ARHGEF1: variants seen among roughly 807,000 people sequenced by gnomAD.
The protein encoded by ARHGEF1 is 115 kDa guanine nucleotide exchange factor.
In ARHGEF1, 40 loss-of-function variants were observed where a neutral mutation model predicts 119.7. The ratio of observed to expected loss-of-function variants is 0.33; its 90% CI spans 0.26 to 0.44. The LOEUF is 0.44. Ranked by LOEUF, ARHGEF1 falls within the 20% of genes least tolerant of loss-of-function variation. The pLI is 1.00. For missense variants in ARHGEF1, 976 were observed against 1,268.3 expected (o/e 0.77, Z 3.50); for synonymous variants, 494 against 521.0 (o/e 0.95, Z 0.71).
In ARHGEF1 at chr19:41,906,500, T is replaced by G. The variant is rs782333800; in HGVS notation, c.2535T>G (p.Asn845Lys). The G allele has an allele frequency of 7.6e-6, 12 of 1,580,474 alleles. No homozygotes were observed. Among genetic ancestry groups the G allele is most frequent in the African/African-American group, 1.4e-5 (1 of 72,328 alleles). The change falls in exon 27 of 29, where the codon AAT becomes AAG. Residue 845 changes from asparagine to lysine, a missense_variant. Around this residue, in one of 3 missense-constraint regions of ARHGEF1, gnomAD observed 171 missense variants for 180.6 expected, o/e 0.95. Transcript: ENST00000354532. This position sits in a 1 kb window ranked among gnomAD's most constrained non-coding sequence, Gnocchi z 4.5. ...KQLLFPAEEDNGAGPPRDGDG... is the reference protein window; with the variant it reads ...KQLLFPAEEDKGAGPPRDGDG... The stretch of plus-strand genomic sequence containing the variant: ...TTCTGTTTCCGGCGGAGGAAGACAA[T>G]GGGGCGGGGCCTCCTCGAGATGGGG...
At position 41,888,774 on chromosome 19, in the gene ARHGEF1, A is replaced by C. The variant is rs2074333186; in HGVS notation, c.134A>C (p.Gln45Pro). 2.5e-6 allele frequency: 4 copies of C among 1,614,070 alleles called. No individual in the cohort carries two copies. Among genetic ancestry groups the C allele is most frequent in the Non-Finnish European group, 3.4e-6 (4 of 1,180,012 alleles). The change falls in exon 4 of 29, where the codon CAG (glutamine) becomes CCG (proline). Residue 45 changes from glutamine (Q) to proline (P), a missense_variant. Gln to Pro is a moderately conservative substitution (Grantham distance 76). Transcript: ENST00000354532. This position sits in a 1 kb window ranked among gnomAD's most constrained non-coding sequence, Gnocchi z 5.1. ...CAGAACTCAGAAGAGCAAAACAGCC[A>C]GTTCCAGAGCCTGGAGCAGGTGAAG... Reference protein sequence around the residue: ...LETNSEEQNSQFQSLEQVKRR... With the variant: ...LETNSEEQNSPFQSLEQVKRR...
In ARHGEF1 at chr19:41,906,323, A is replaced by G; in HGVS notation, c.2492-134A>G. The G allele has an allele frequency of 1.1e-6, 1 of 909,786 alleles. No homozygotes were observed. Among genetic ancestry groups the G allele is most frequent in the Non-Finnish European group, 1.6e-6 (1 of 606,284 alleles). The allele number at this position is 909,786 out of a possible 1,614,324, so 56.4% of individuals were successfully genotyped here. A position where few individuals can be genotyped will look rare whatever the true frequency, so the allele number is the denominator to read the frequency against. ...TTCTTCACCTCCCTTTGGATCCCCG[A>G]ACCCCATCTGCTCAGCCTTGCCTGG... On this transcript the variant is annotated intron_variant, in intron 26 of 28. Transcript: ENST00000354532. The surrounding 1 kb of genome is among the most constrained non-coding windows in gnomAD (Gnocchi z 4.5).
rs1433875667 is a variant in ARHGEF1 at position 41,903,234 on chromosome 19, T to C, written c.1739-73T>C. 7.1e-7 allele frequency: 1 copy of C among 1,410,746 alleles called. No homozygotes were observed. Among genetic ancestry groups the C allele is most frequent in the African/African-American group, 1.4e-5 (1 of 70,602 alleles). 87.4% of individuals were successfully genotyped at this position (1,410,746 alleles called of 1,614,324 possible). ...ACCATGCCCGGCCAGCTGTCCTTTG[T>C]CTAACCTTGGCTGCCCAATCTGGAG... On this transcript the variant is annotated intron_variant, in intron 18 of 28. Coordinates refer to ENST00000354532, the MANE Select transcript of ARHGEF1 (RefSeq NM_004706.4). This position sits in a 1 kb window ranked among gnomAD's most constrained non-coding sequence, Gnocchi z 4.2.
At chr19:41,887,660 GCCTCT>G (rs1555845445) in intron 1 of ARHGEF1, among the ~76,000 whole-genome samples, 1 of 152,016 alleles carries the variant, frequency 6.6e-6, no homozygotes, top group African/African-American at 2.4e-5. Flanking sequence ...CTTCTCTCCC[GCCTCT>G]CCTCTAACCC....
chr19:41,894,608 C>T lies in ARHGEF1; in HGVS notation c.842-18C>T, dbSNP rs375847373. ...CCCCAGCTGCTCCCACTCACTGTCT[C>T]ATTCTCTCTCGTTTCAGTTCCAGAT... On this transcript the variant is annotated intron_variant, in intron 10 of 28. Transcript: ENST00000354532. 114 of 1,613,956 alleles carry T rather than the reference C, an allele frequency of 7.1e-5. 1 individual carries two copies. In the African/African-American group the frequency reaches 1.3e-3, roughly 19 times the overall value.
At chr19:41,919,863 C>G (rs782196135), upstream of ARHGEF1, among the ~76,000 whole-genome samples, 3 of 152,134 alleles carry the variant, frequency 2.0e-5, no homozygotes, top group South Asian at 2.1e-4. Context: ...GGCACAACTC[C>G]AGAGCTTTGG....
intron 1 of ARHGEF1, among the ~76,000 whole-genome samples, chr19:41,926,866 G>A (rs1275813347): frequency 6.6e-6 from 1 of 152,180 alleles, no homozygotes; most frequent in African/African-American, 2.4e-5. Flanking sequence ...CTTAATCTGA[G>A]CGGAAACCAG....
intron 1 of ARHGEF1, among the ~76,000 whole-genome samples, chr19:41,927,735 T>C (rs1451110996): frequency 6.6e-6 from 1 of 151,982 alleles, no homozygotes; most frequent in Non-Finnish European, 1.5e-5. Flanking sequence ...TTCCCAGATT[T>C]TCAGTCCAGT....
chr19:41,904,830 T>C lies in ARHGEF1; in HGVS notation c.2162-119T>C, dbSNP rs1195369420. On this transcript the variant is annotated intron_variant, in intron 22 of 28. Transcript: ENST00000354532. The surrounding 1 kb of genome is among the most constrained non-coding windows in gnomAD (Gnocchi z 8.4). ...TATTAGCAGACAGTGAGTGGTGAGT[T>C]GAGCCATGGGAGCCCTGAGAGCGCC... 1 of 802,428 alleles carries C rather than the reference T, an allele frequency of 1.2e-6. No individual in the cohort carries two copies. The highest frequency in any genetic ancestry group is 2.0e-5 in the Admixed American group (1 of 50,686). The allele number at this position is 802,428 out of a possible 1,614,324, so 49.7% of individuals were successfully genotyped here.
At chr19:41,894,996 G>T (rs1342567008) in intron 11 of ARHGEF1, among the ~76,000 whole-genome samples, 2 of 146,982 alleles carry the variant, frequency 1.4e-5, no homozygotes, top group Non-Finnish European at 3.0e-5. Context: ...AGGAGGGATT[G>T]GGCCTGGACC....
intron 1 of ARHGEF1, chr19:41,884,383 G>GAC: frequency 6.4e-7 from 1 of 1,567,566 alleles, no homozygotes; most frequent in Non-Finnish European, 8.6e-7. Context: ...CGCAAAGGTG[G>GAC]ACTCAGGGCG....
In ARHGEF1 at chr19:41,905,441, T is replaced by TATGC; in HGVS notation, c.2336+188_2336+191dup. 2 of 628,668 alleles carry TATGC rather than the reference T, an allele frequency of 3.2e-6. No homozygotes were observed. Among genetic ancestry groups the TATGC allele is most frequent in the South Asian group, 3.9e-5 (2 of 51,692 alleles). 38.9% of individuals were successfully genotyped at this position (628,668 alleles called of 1,614,324 possible). On this transcript the variant is annotated intron_variant, in intron 24 of 28. Coordinates refer to ENST00000354532, the MANE Select transcript of ARHGEF1 (RefSeq NM_004706.4). This position sits in a 1 kb window ranked among gnomAD's most constrained non-coding sequence, Gnocchi z 6.4. ...ACTGTGCGTGCATATATAGTGTGTG[T>TATGC]ATGCATGCATGTGTGCGTGTGCATG...
Position 41,902,198 on chromosome 19 carries a change from C to G in ARHGEF1, c.1415-76C>G. 1 of 1,584,002 alleles carries G rather than the reference C, an allele frequency of 6.3e-7. No individual in the cohort carries two copies. The highest frequency in any genetic ancestry group is 8.7e-7 in the Non-Finnish European group (1 of 1,156,064). On this transcript the variant is annotated intron_variant, in intron 15 of 28. Coordinates refer to ENST00000354532, the MANE Select transcript of ARHGEF1 (RefSeq NM_004706.4). The surrounding 1 kb of genome is among the most constrained non-coding windows in gnomAD (Gnocchi z 6.5). ...ACACAGACACACCTGCAGCCCTACC[C>G]CCACCACACCGCAGCAGGCCCCGCA...
At chr19:41,926,051 TG>T (rs782528398) in intron 1 of ARHGEF1, among the ~76,000 whole-genome samples, 1 of 151,874 alleles carries the variant, frequency 6.6e-6, no homozygotes, top group Non-Finnish European at 1.5e-5. Context: ...AATACGAATG[TG>T]TGAGGAACAG....
Position 41,926,883 on chromosome 19 carries a change from G to GGAGACAGAGACAGAGATGCTGGGA in ARHGEF1, c.141-1931_141-1908dup, listed in dbSNP as rs1555853319. On this transcript the variant is annotated intron_variant, in intron 1 of 2. Coordinates refer to the ARHGEF1 transcript ENST00000594417. ...TAATCTGAGCGGAAACCAGCGAGGG[G>GGAGACAGAGACAGAGATGCTGGGA]GAGACAGAGACAGAGATGCTGGGAG... Among the ~76,000 whole-genome samples, 8 of 152,216 alleles carry GGAGACAGAGACAGAGATGCTGGGA rather than the reference G, an allele frequency of 5.3e-5. No individual in the cohort carries two copies. The South Asian group carries it at 1.7e-3, about 32-fold the overall frequency.
intron 7 of ARHGEF1, 193 bp from the exon 8 acceptor site, chr19:41,893,081 C>T: frequency 9.9e-7 from 1 of 1,006,442 alleles, no homozygotes; most frequent in Non-Finnish European, 1.4e-6. Context: ...TGATCTGGCA[C>T]TTGGATCCCA....
intron 1 of ARHGEF1, among the ~76,000 whole-genome samples, chr19:41,885,644 T>C (rs1555845144): frequency 2.0e-5 from 3 of 152,110 alleles, no homozygotes. Context: ...GTATTTTTAG[T>C]AGAGACAGGG....
At chr19:41,897,703 T>A in intron 13 of ARHGEF1, 1 of 340,950 alleles carries the variant, frequency 2.9e-6, no homozygotes, top group South Asian at 5.8e-5. Flanking sequence ...CTGGTCACCC[T>A]TGCCCCGGTC....
chr19:41,898,314 C>G, intron 13 of ARHGEF1, 128 bp from the exon 14 acceptor site: 2 of 1,427,188 alleles, frequency 1.4e-6, no homozygotes, highest in South Asian at 1.3e-5. Context: ...GAGACCTGGT[C>G]TGCTGCACGG....
Sources: allele counts gnomAD v4.1 joint callset (sites outside exome capture counted in the v4.1 genomes callset), GRCh38; gene constraint gnomAD v4.1.1; regional missense constraint gnomAD v4.1.1; non-coding constraint Gnocchi (gnomAD v3.1); transcripts MANE v1.5; gene names NCBI Gene and HGNC (gene_info 2026-07-23, HGNC 2026-07-21).